Variants in ASB4 observed in about 807,000 individuals in gnomAD.
The protein encoded by ASB4 is ankyrin repeat and SOCS box containing 4.
Under a neutral mutation model 38.6 loss-of-function variants are expected in ASB4, and 35 were observed. The ratio of observed to expected loss-of-function variants is 0.91; its 90% CI spans 0.69 to 1.20. The LOEUF (loss-of-function observed/expected upper bound fraction) is 1.20. Among genes scored for constraint, ASB4 ranks in the 50% most tolerant of loss-of-function variants. The pLI is 0.00. For missense variants in ASB4, 557 were observed against 527.2 expected (o/e 1.06, Z -0.55); for synonymous variants, 195 against 201.3 (o/e 0.97, Z 0.26).
At chr7:95,513,605 A>G (rs1021203375) in intron 2 of ASB4, among the ~76,000 whole-genome samples, 2 of 152,198 alleles carry the variant, frequency 1.3e-5, no homozygotes, top group African/African-American at 4.8e-5. Flanking sequence ...GAAAAACAAC[A>G]TCACAGAAAC....
chr7:95,493,732 C>T (rs142912145), intron 1 of ASB4, among the ~76,000 whole-genome samples: 75 of 152,156 alleles, frequency 4.9e-4, no homozygotes, highest in African/African-American at 1.6e-3. Context: ...TAACCAGTTT[C>T]GTGTTCTCAG....
chr7:95,527,663 G>A (rs543930843), intron 2 of ASB4, 150 bp from the exon 3 acceptor site: 1 of 777,306 alleles, frequency 1.3e-6, no homozygotes, highest in Non-Finnish European at 2.0e-6. Context: ...CCCAGGAAGA[G>A]AGCCTGGGGG....
chr7:95,514,917 G>A (rs577754835), intron 2 of ASB4, among the ~76,000 whole-genome samples: 1 of 152,154 alleles, frequency 6.6e-6, no homozygotes, highest in Non-Finnish European at 1.5e-5. Context: ...AAAGGGAGCT[G>A]GAGAAAAAAC....
chr7:95,524,594 A>T (rs1379860809), intron 2 of ASB4, among the ~76,000 whole-genome samples: 1 of 152,218 alleles, frequency 6.6e-6, no homozygotes, highest in Non-Finnish European at 1.5e-5. Context: ...CACACACACA[A>T]AGATACGTTC....
intron 2 of ASB4, among the ~76,000 whole-genome samples, chr7:95,520,938 G>GA (rs1790653832): frequency 3.3e-5 from 5 of 151,904 alleles, no homozygotes; most frequent in Admixed American, 3.3e-4. Context: ...TTAATTTTAA[G>GA]AAAATTTCTT....
At chr7:95,477,525 C>T (rs1344237218), upstream of ASB4, among the ~76,000 whole-genome samples, 2 of 152,122 alleles carry the variant, frequency 1.3e-5, no homozygotes, top group African/African-American at 4.8e-5. Flanking sequence ...TTTCTTTACA[C>T]TATCAGTTTA....
At chr7:95,487,414 T>A (rs754172375) in intron 1 of ASB4, among the ~76,000 whole-genome samples, 1 of 152,236 alleles carries the variant, frequency 6.6e-6, no homozygotes, top group Admixed American at 6.5e-5. Context: ...AACTAATTTT[T>A]AAGATGTTTT....
upstream of ASB4, among the ~76,000 whole-genome samples, chr7:95,484,882 T>C (rs908882897): frequency 1.3e-5 from 2 of 151,866 alleles, no homozygotes; most frequent in East Asian, 1.9e-4. Context: ...GATACCAATA[T>C]ATCCCTTACT....
chr7:95,515,267 CTCTTTCTTTCTT>C (rs1227960057), intron 2 of ASB4, among the ~76,000 whole-genome samples: 974 of 72,598 alleles, frequency 0.013, 26 homozygotes, highest in African/African-American at 0.038. Flanking sequence ...TTCTTTCTTT[CTCTTTCTTTCTT>C]TCTTTCTTTC....
upstream of ASB4, among the ~76,000 whole-genome samples, chr7:95,477,308 C>G (rs968118462): frequency 1.3e-5 from 2 of 152,152 alleles, no homozygotes; most frequent in African/African-American, 4.8e-5. Context: ...TAATACCTTT[C>G]TGAAATGGCA....
In ASB4 at chr7:95,527,927, T is replaced by G. The variant is rs1371595704; in HGVS notation, c.602T>G (p.Val201Gly). Residue 201 changes from valine (V) to glycine (G), a missense_variant, in exon 3 of 5, where the codon GTG (valine) becomes GGG (glycine). By Grantham distance (109) the Val-to-Gly change is moderately radical. Transcript: ENST00000325885. ...VAFYVEHGAIVDSVNAHMETP... is the reference protein window; with the variant it reads ...VAFYVEHGAIGDSVNAHMETP... ...TTCTACGTGGAACACGGGGCCATAG[T>G]GGACAGCGTGAATGCCCACATGGAG... is the stretch of plus-strand genomic sequence containing the variant. 6.2e-7 allele frequency: 1 copy of G among 1,614,132 alleles called. No homozygotes were observed. Among genetic ancestry groups the G allele is most frequent in the Admixed American group, 1.7e-5 (1 of 60,026 alleles).
intron 2 of ASB4, 110 bp from the exon 3 acceptor site, chr7:95,527,703 C>T (rs1790757886): frequency 4.7e-6 from 5 of 1,070,602 alleles, no homozygotes; most frequent in Middle Eastern, 3.1e-4. Context: ...GGATAATATA[C>T]GGCAGTCAGA....
At chr7:95,542,664 C>T (rs1359458253), downstream of ASB4, 2 of 151,984 alleles carry the variant, frequency 1.3e-5, no homozygotes, top group Non-Finnish European at 2.9e-5. Flanking sequence ...CTCCTGACCT[C>T]AAATGATCCA....
upstream of ASB4, among the ~76,000 whole-genome samples, chr7:95,478,238 G>A (rs1789994846): frequency 6.6e-6 from 1 of 152,160 alleles, no homozygotes; most frequent in South Asian, 2.1e-4. Context: ...CAAAATTATG[G>A]TAAATTATTC....
chr7:95,545,026 C>T (rs190126203), downstream of ASB4, among the ~76,000 whole-genome samples: 1 of 146,358 alleles, frequency 6.8e-6, no homozygotes, highest in African/African-American at 2.6e-5. Flanking sequence ...TGTGCACAGG[C>T]CAAAGATCCA....
Position 95,528,666 on chromosome 7 carries a change from A to G in ASB4, c.978+363A>G, listed in dbSNP as rs1790779572. The G allele has an allele frequency of 5.2e-6, 6 of 1,143,592 alleles. No homozygotes were observed. The South Asian group carries it at 2.3e-4, about 43-fold the overall frequency. 70.8% of individuals were successfully genotyped at this position (1,143,592 alleles called of 1,614,324 possible). ...TTTAAACAGAATGACTGATCTAAAG[A>G]TGACTCAGCCTGCTTTGAAATTAGC... On this transcript the variant is annotated intron_variant, in intron 3 of 4. Coordinates refer to ENST00000325885, the MANE Select transcript of ASB4 (RefSeq NM_016116.3).
chr7:95,474,744 T>C (rs1357420094), upstream of ASB4, among the ~76,000 whole-genome samples: 5 of 152,152 alleles, frequency 3.3e-5, no homozygotes, highest in African/African-American at 1.2e-4. Context: ...AGGCTGGTCA[T>C]GAACTCTTGG....
chr7:95,534,616 G>T (rs541744005), intron 3 of ASB4, among the ~76,000 whole-genome samples: 4 of 152,046 alleles, frequency 2.6e-5, no homozygotes, highest in Admixed American at 1.3e-4. Flanking sequence ...CTCTGCCCTC[G>T]ATGCACTTGT....
In ASB4 at chr7:95,538,674, G is replaced by A. The variant is rs974168733; in HGVS notation, c.*915G>A. On this transcript the variant is annotated 3_prime_UTR_variant, in exon 5 of 5. Transcript: ENST00000325885. ...GTATTTTTAAGGTTTTTTCTAGATA[G>A]TGTGTCTTTTTGGTATGGTTTCTTG... 2.0e-5 allele frequency: 3 copies of A among 152,136 alleles called. No homozygotes were observed. The highest frequency in any genetic ancestry group is 2.0e-4 in the Admixed American group (3 of 15,260). The allele number at this position is 152,136 out of a possible 1,614,324, so 9.4% of individuals were successfully genotyped here.
Sources: allele counts gnomAD v4.1 joint callset (sites outside exome capture counted in the v4.1 genomes callset), GRCh38; gene constraint gnomAD v4.1.1; transcripts MANE v1.5; gene names NCBI Gene and HGNC (gene_info 2026-07-23, HGNC 2026-07-21).